The following CPS1 variants were observed in gnomAD, a reference collection of about 807,000 sequenced individuals.
The protein encoded by CPS1 is carbamoyl-phosphate synthase [ammonia], mitochondrial.
In CPS1, 109 loss-of-function variants were observed where a neutral mutation model predicts 174.6. That is an observed-to-expected ratio of 0.62 (90% CI 0.53 to 0.73). The LOEUF is 0.73. CPS1 is among the 30% of genes least tolerant of loss of function. The probability of loss-of-function intolerance (pLI) is 0.00; values close to 1 mark genes in which losing one functional copy is unlikely to be tolerated. For missense variants in CPS1, 1,689 were observed against 1,821.9 expected (o/e 0.93, Z 1.33); for synonymous variants, 637 against 632.0 (o/e 1.01, Z -0.12).
At chr2:210,531,778 TGTTAAA>T (rs1559064452) in intron 1 of CPS1, among the ~76,000 whole-genome samples, 2 of 152,202 alleles carry the variant, frequency 1.3e-5, no homozygotes. Context: ...ATCTCCTGGA[TGTTAAA>T]GTTTAAGTAC....
intron 19 of CPS1, among the ~76,000 whole-genome samples, chr2:210,611,530 G>T (rs544694013): frequency 1.2e-4 from 18 of 150,648 alleles, no homozygotes; most frequent in Non-Finnish European, 2.4e-4. Context: ...TGTAAAGATT[G>T]TGGAAAGACA....
At chr2:210,528,518 T>C (rs1006886605) in intron 1 of CPS1, among the ~76,000 whole-genome samples, 5 of 151,820 alleles carry the variant, frequency 3.3e-5, no homozygotes, top group Non-Finnish European at 5.9e-5. Context: ...AATCAATAAG[T>C]CAAAGAAAAG....
intron 35 of CPS1, 130 bp downstream of exon 35, chr2:210,675,091 T>A (rs1701478753): frequency 1.3e-6 from 1 of 754,428 alleles, no homozygotes; most frequent in Non-Finnish European, 2.3e-6. Flanking sequence ...ACTAACTTGG[T>A]AGTTTCAAAA....
intron 1 of CPS1, among the ~76,000 whole-genome samples, chr2:210,563,729 T>C (rs535010323): frequency 2.6e-5 from 4 of 152,310 alleles, no homozygotes; most frequent in Non-Finnish European, 5.9e-5. Context: ...CTAACAATAA[T>C]GATAAACACT....
chr2:210,565,612 T>G (rs1349592739), intron 1 of CPS1, among the ~76,000 whole-genome samples: 1 of 152,230 alleles, frequency 6.6e-6, no homozygotes, highest in Non-Finnish European at 1.5e-5. Flanking sequence ...TTCAAAAGTT[T>G]AAACGTATTT....
intron 33 of CPS1, among the ~76,000 whole-genome samples, chr2:210,665,727 G>T (rs1701075210): frequency 6.6e-6 from 1 of 150,632 alleles, no homozygotes; most frequent in East Asian, 1.9e-4. Flanking sequence ...GTCTATCATT[G>T]TTGGACATTT....
intron 1 of CPS1, among the ~76,000 whole-genome samples, chr2:210,512,221 T>C (rs1695513472): frequency 6.6e-6 from 1 of 152,052 alleles, no homozygotes; most frequent in Non-Finnish European, 1.5e-5. Flanking sequence ...AACTTTTATT[T>C]TGGATTCAGA....
rs563679146 is a variant in CPS1, at chr2:210,678,965, C to T, written c.*980C>T. The T allele has an allele frequency of 6.6e-6, 1 of 152,310 alleles. No homozygotes were observed. The highest frequency in any genetic ancestry group is 2.1e-4 in the South Asian group (1 of 4,830). 9.4% of individuals were successfully genotyped at this position (152,310 alleles called of 1,614,324 possible). A position where few individuals can be genotyped will look rare whatever the true frequency, so the allele number is the denominator to read the frequency against. ...CCCACACTGCACTATTAATTCCACC[C>T]ACTGTAAGGGCAAGGACACCATTCC... On this transcript the variant is annotated 3_prime_UTR_variant, in exon 38 of 38. Transcript: ENST00000233072.
chr2:210,647,934 T>C lies in CPS1; in HGVS notation c.3213T>C (p.Asn1071=). ...PNNLAVPLYK[N]GVKIMGTSPL... Reference sequence around the variant, plus strand: ...ACCTGGCAGTTCCTCTATACAAGAATGGTGTCAAGATCATGGGCACAAGCC... The same window carrying C: ...ACCTGGCAGTTCCTCTATACAAGAACGGTGTCAAGATCATGGGCACAAGCC... The change falls in exon 26 of 38, where the codon AAT becomes AAC. Residue 1071 remains asparagine, a synonymous_variant. Transcript: ENST00000233072. 1.2e-6 allele frequency: 2 copies of C among 1,614,056 alleles called. No homozygotes were observed. Among genetic ancestry groups the C allele is most frequent in the Non-Finnish European group, 1.7e-6 (2 of 1,179,944 alleles).
chr2:210,504,978 T>A (rs545797142), intron 1 of CPS1, among the ~76,000 whole-genome samples: 1 of 152,002 alleles, frequency 6.6e-6, no homozygotes, highest in Non-Finnish European at 1.5e-5. Flanking sequence ...GGGGCTGATA[T>A]ATAAGGCATT....
At chr2:210,609,249 G>A (rs1699027695) in intron 19 of CPS1, among the ~76,000 whole-genome samples, 1 of 151,890 alleles carries the variant, frequency 6.6e-6, no homozygotes, top group Non-Finnish European at 1.5e-5. Context: ...CTGTGTGAGA[G>A]GAAAGAAAGG....
rs757193252 is a variant in CPS1, at chr2:210,654,147, T to G, written c.3558+45T>G. 3.2e-6 allele frequency: 5 copies of G among 1,539,348 alleles called. No homozygotes were observed. The Admixed American group carries it at 8.4e-5, about 26-fold the overall frequency. On this transcript the variant is annotated intron_variant, in intron 29 of 37. Transcript: ENST00000233072. Reference sequence around the variant, plus strand: ...CTCCTTCATTCCTGCCTTCTCATCATTTTTTTCTTTAACAATTTTGAAATA... The same window carrying G: ...CTCCTTCATTCCTGCCTTCTCATCAGTTTTTTCTTTAACAATTTTGAAATA...
intron 1 of CPS1, among the ~76,000 whole-genome samples, chr2:210,569,746 G>T (rs1185023813): frequency 1.3e-5 from 2 of 151,936 alleles, no homozygotes; most frequent in African/African-American, 4.8e-5. Context: ...TCATGATAAG[G>T]TCCTTTATTT....
intron 1 of CPS1, among the ~76,000 whole-genome samples, chr2:210,541,115 A>T (rs1441134342): frequency 6.6e-6 from 1 of 152,142 alleles, no homozygotes; most frequent in Non-Finnish European, 1.5e-5. Context: ...CCCAAGACTC[A>T]GATCATCGGG....
At chr2:210,547,299 A>T (rs1482148873) in intron 1 of CPS1, among the ~76,000 whole-genome samples, 1 of 152,166 alleles carries the variant, frequency 6.6e-6, no homozygotes, top group Non-Finnish European at 1.5e-5. Context: ...CATTGAAATT[A>T]ATTCTGGCCT....
Position 210,512,554 on chromosome 2 carries a change from G to T in CPS1, c.3+34788G>T, listed in dbSNP as rs578144305. Among the ~76,000 whole-genome samples the T allele has an allele frequency of 3.3e-5, 5 of 151,474 alleles. No individual in the cohort carries two copies. The South Asian group carries it at 1.0e-3, about 32-fold the overall frequency. On this transcript the variant is annotated intron_variant, in intron 1 of 38. Transcript: ENST00000430249. The stretch of plus-strand genomic sequence containing the variant: ...ATGATTTTATTCTTTTTTTATGGCT[G>T]TGTAATATTCTATGGTATATATGCA...
chr2:210,553,250 A>G (rs1308369001), upstream of CPS1, among the ~76,000 whole-genome samples: 7 of 151,954 alleles, frequency 4.6e-5, no homozygotes, highest in Non-Finnish European at 8.8e-5. Context: ...AGAAGATAAT[A>G]CTTTAGTGTT....
chr2:210,531,573 G>C (rs903235096), intron 1 of CPS1, among the ~76,000 whole-genome samples: 3 of 151,986 alleles, frequency 2.0e-5, no homozygotes, highest in African/African-American at 7.2e-5. Flanking sequence ...AATGAGAAAA[G>C]ACAAAAAAGA....
At chr2:210,517,158 A>G (rs1164831373) in intron 1 of CPS1, among the ~76,000 whole-genome samples, 1 of 151,972 alleles carries the variant, frequency 6.6e-6, no homozygotes, top group Non-Finnish European at 1.5e-5. Context: ...ACACTAACCT[A>G]AGGAAAGTCC....
Sources: gnomAD v4.1 joint callset for allele counts (sites outside exome capture counted in the v4.1 genomes callset) on GRCh38, gnomAD v4.1.1 for gene constraint, MANE v1.5 for transcripts, NCBI Gene and HGNC (gene_info 2026-07-23, HGNC 2026-07-21) for gene names.